DCC: variants seen among roughly 807,000 people sequenced by gnomAD.
DCC encodes netrin receptor DCC.
DCC carries 58 observed loss-of-function variants against 172.5 expected under a neutral mutation model. The observed-to-expected ratio is 0.34, with a 90% CI of 0.27 to 0.42. The LOEUF is 0.42. Among genes scored for constraint, DCC ranks in the 10% least tolerant of loss-of-function variants. The probability of loss-of-function intolerance (pLI) is 1.00; values close to 1 mark genes in which losing one functional copy is unlikely to be tolerated. For synonymous variants in DCC, 709 were observed against 644.5 expected (o/e 1.10, Z -1.52); for missense variants, 1,740 against 1,791.0 (o/e 0.97, Z 0.51).
chr18:53,295,614 T>G (rs1055656467), intron 12 of DCC, among the ~76,000 whole-genome samples: 1 of 152,200 alleles, frequency 6.6e-6, no homozygotes, highest in Non-Finnish European at 1.5e-5. Context: ...ACATTTGTTC[T>G]GAATGATGAA....
Position 53,526,656 on chromosome 18 carries a change from T to C in DCC, c.4151T>C (p.Leu1384Pro), listed in dbSNP as rs2046459160. ...AAGACCCATGTGAAAACAGCCTCCC[T>C]TGGGTTGGCTGGAAAAGCAAGATCC... Reference protein sequence around the residue: ...LPKTHVKTASLGLAGKARSPL... With the variant: ...LPKTHVKTASPGLAGKARSPL... Residue 1384 changes from leucine to proline, a missense_variant, in exon 28 of 29, where the codon CTT (leucine) becomes CCT (proline). Physicochemically the swap from Leu to Pro is moderately conservative, Grantham distance 98 (BLOSUM62 -3). Transcript: ENST00000442544. The C allele has an allele frequency of 6.2e-7, 1 of 1,613,434 alleles. No individual in the cohort carries two copies. The highest frequency in any genetic ancestry group is 1.7e-5 in the Admixed American group (1 of 59,896).
At chr18:53,346,576 T>C (rs932657724) in intron 15 of DCC, among the ~76,000 whole-genome samples, 1 of 152,164 alleles carries the variant, frequency 6.6e-6, no homozygotes, top group Non-Finnish European at 1.5e-5. Context: ...GTTAGGCTCA[T>C]ATGGTAAAGG....
chr18:52,842,934 G>A (rs575953945), intron 2 of DCC, among the ~76,000 whole-genome samples: 8 of 152,264 alleles, frequency 5.3e-5, no homozygotes, highest in African/African-American at 1.9e-4. Flanking sequence ...TTGAAGAGAA[G>A]CAAGTTCGGA....
chr18:53,310,260 GAAGT>G (rs1267573379), intron 13 of DCC, among the ~76,000 whole-genome samples: 1 of 152,052 alleles, frequency 6.6e-6, no homozygotes, highest in African/African-American at 2.4e-5. Context: ...GTTGTAAGCA[GAAGT>G]AATTGATTTT....
chr18:52,915,917 A>G (rs924306711), intron 3 of DCC, among the ~76,000 whole-genome samples: 1 of 152,120 alleles, frequency 6.6e-6, no homozygotes, highest in Non-Finnish European at 1.5e-5. Flanking sequence ...AAAGTATGGT[A>G]GATACCTAGA....
Position 53,116,507 on chromosome 18 carries a change from C to T in DCC, c.1262-40849C>T, listed in dbSNP as rs552302502. Among the ~76,000 whole-genome samples the T allele has an allele frequency of 4.6e-5, 7 of 151,856 alleles. No individual in the cohort carries two copies. In the South Asian group the frequency reaches 1.4e-3, roughly 31 times the overall value. On this transcript the variant is annotated intron_variant, in intron 7 of 28. Coordinates refer to ENST00000442544, the MANE Select transcript of DCC (RefSeq NM_005215.4). ...AATGGAATGACTTCAACTTTAGTTA[C>T]ATGGTTTTGTTTTCCTGATGTTTGC...
chr18:52,490,210 T>A (rs1288092590), intron 1 of DCC, among the ~76,000 whole-genome samples: 2 of 152,140 alleles, frequency 1.3e-5, no homozygotes, highest in African/African-American at 4.8e-5. Flanking sequence ...ATTTCTATAA[T>A]AGGAGCTTTT....
intron 27 of DCC, among the ~76,000 whole-genome samples, chr18:53,500,721 T>C (rs2046087093): frequency 6.6e-6 from 1 of 151,868 alleles, no homozygotes; most frequent in African/African-American, 2.4e-5. Flanking sequence ...CATGAAAGCA[T>C]GTAGGATTCC....
At chr18:52,728,226 AT>A (rs2036583302) in intron 1 of DCC, among the ~76,000 whole-genome samples, 1 of 152,042 alleles carries the variant, frequency 6.6e-6, no homozygotes, top group African/African-American at 2.4e-5. Context: ...ATACAGAACT[AT>A]TGTGAAGAGA....
intron 1 of DCC, among the ~76,000 whole-genome samples, chr18:52,383,861 A>G (rs552830589): frequency 6.6e-6 from 1 of 152,078 alleles, no homozygotes; most frequent in East Asian, 1.9e-4. Flanking sequence ...CATTCCACTG[A>G]ATTTTTCTCT....
intron 4 of DCC, among the ~76,000 whole-genome samples, chr18:52,924,726 C>T (rs2040175427): frequency 1.3e-5 from 2 of 151,984 alleles, no homozygotes; most frequent in African/African-American, 4.8e-5. Flanking sequence ...CAAGGCATGG[C>T]ATATGATATT....
intron 15 of DCC, among the ~76,000 whole-genome samples, chr18:53,384,966 G>C (rs1908046863): frequency 6.7e-6 from 1 of 149,764 alleles, no homozygotes; most frequent in South Asian, 2.1e-4. Context: ...TCCTGCCTCA[G>C]CTTCCCGAGT....
chr18:53,175,573 C>T (rs1018305684), intron 8 of DCC, among the ~76,000 whole-genome samples: 6 of 149,016 alleles, frequency 4.0e-5, no homozygotes, highest in African/African-American at 1.5e-4. Context: ...AACTCCCATT[C>T]ACAATTGCTT....
chr18:53,255,547 TC>T (rs1387729143), intron 12 of DCC, among the ~76,000 whole-genome samples: 1 of 151,826 alleles, frequency 6.6e-6, no homozygotes, highest in Non-Finnish European at 1.5e-5. Context: ...CATGAACTCA[TC>T]CTTTTTTATG....
intron 1 of DCC, among the ~76,000 whole-genome samples, chr18:52,409,922 CTG>C (rs1412910017): frequency 7.9e-5 from 12 of 152,100 alleles, no homozygotes; most frequent in African/African-American, 2.9e-4. Flanking sequence ...AGACGTGTCA[CTG>C]TTGCTCTTTT....
intron 5 of DCC, among the ~76,000 whole-genome samples, chr18:52,951,851 T>C (rs1238349006): frequency 2.6e-5 from 4 of 152,218 alleles, no homozygotes; most frequent in African/African-American, 9.6e-5. Flanking sequence ...TTATTACTAA[T>C]AGTTGGATAG....
At chr18:52,960,742 C>T (rs1414892394) in intron 5 of DCC, among the ~76,000 whole-genome samples, 1 of 152,116 alleles carries the variant, frequency 6.6e-6, no homozygotes, top group Non-Finnish European at 1.5e-5. Flanking sequence ...TTAATCCCTC[C>T]AACACGGTTA....
chr18:52,527,153 G>A (rs758356990), intron 1 of DCC, among the ~76,000 whole-genome samples: 10 of 152,016 alleles, frequency 6.6e-5, no homozygotes, highest in South Asian at 2.1e-4. Flanking sequence ...CTGTTCCCTC[G>A]GTGATAAAAG....
intron 21 of DCC, among the ~76,000 whole-genome samples, chr18:53,426,106 T>C (rs1217083579): frequency 6.6e-6 from 1 of 151,648 alleles, no homozygotes; most frequent in Non-Finnish European, 1.5e-5. Flanking sequence ...CCAGCTCCTT[T>C]GGTTCCCTAA....
Sources: gnomAD v4.1 joint callset for allele counts (sites outside exome capture counted in the v4.1 genomes callset) on GRCh38, gnomAD v4.1.1 for gene constraint, MANE v1.5 for transcripts, NCBI Gene and HGNC (gene_info 2026-07-23, HGNC 2026-07-21) for gene names.